The following CREBBP variants were observed in gnomAD, a reference collection of about 807,000 sequenced individuals.
CREBBP encodes CREB-binding protein.
Under a neutral mutation model 265.0 loss-of-function variants are expected in CREBBP, and 19 were observed. The observed-to-expected ratio is 0.07, with a 90% confidence interval of 0.05 to 0.11. The LOEUF is 0.11. CREBBP is among the 10% of genes least tolerant of loss of function. The pLI is 1.00. For synonymous variants in CREBBP, 1,457 were observed against 1,223.7 expected (o/e 1.19, Z -3.98); for missense variants, 2,525 against 3,219.0 (o/e 0.78, Z 5.22).
rs1449988510 is a variant in CREBBP, at chr16:3,774,809, TGAAAA to T, written c.2159-121_2159-117del. ...ATGGAACGCACAGGCAACAGAAAACTGAAAAGAAATCACCCAATTAATCAATGAAG... is the reference window on the plus strand; with the variant it reads ...ATGGAACGCACAGGCAACAGAAAACTGAAATCACCCAATTAATCAATGAAG... On this transcript the variant is annotated intron_variant, in intron 11 of 30. Transcript: ENST00000262367. 7 of 1,311,350 alleles carry T rather than the reference TGAAAA, an allele frequency of 5.3e-6. 1 individual carries two copies. In the South Asian group the frequency reaches 7.5e-5, roughly 14 times the overall value. The allele number at this position is 1,311,350 out of a possible 1,614,324, so 81.2% of individuals were successfully genotyped here.
chr16:3,849,435 GTGTGTGTGTGTGTGT>G lies in CREBBP; in HGVS notation c.798+847_798+861del, dbSNP rs2054757214. On this transcript the variant is annotated intron_variant, in intron 2 of 30. Coordinates refer to ENST00000262367, the MANE Select transcript of CREBBP (RefSeq NM_004380.3). ...TGTGTGTGTGTGTGTGTGTGTGTGT[GTGTGTGTGTGTGTGT>G]GTGTGTGTGTGTGTGTGTGTGTGTG... Among the ~76,000 whole-genome samples the G allele has an allele frequency of 8.5e-3, 133 of 15,728 alleles. 4 individuals are homozygous for G. Among genetic ancestry groups the G allele is most frequent in the East Asian group, 0.042 (12 of 284 alleles). The allele number at this position is 15,728 out of a possible 152,430, so 10.3% of individuals were successfully genotyped here. A position where few individuals can be genotyped will look rare whatever the true frequency, so the allele number is the denominator to read the frequency against.
chr16:3,793,002 G>A (rs928135636), intron 4 of CREBBP, among the ~76,000 whole-genome samples: 5 of 152,208 alleles, frequency 3.3e-5, no homozygotes, highest in African/African-American at 9.6e-5. Context: ...GGAAGGGCGT[G>A]TGCCTGCACG....
At chr16:3,834,101 G>C (rs1223377945) in intron 2 of CREBBP, among the ~76,000 whole-genome samples, 3 of 152,164 alleles carry the variant, frequency 2.0e-5, no homozygotes, top group South Asian at 4.1e-4. Context: ...GCCAAATCCA[G>C]AACACTGTCA....
At chr16:3,844,147 CAAAA>C (rs545907683) in intron 2 of CREBBP, among the ~76,000 whole-genome samples, 7 of 19,712 alleles carry the variant, frequency 3.6e-4, no homozygotes, top group Admixed American at 4.7e-4. Context: ...GACTCCGTCT[CAAAA>C]AAAAAAAAAA....
At chr16:3,836,989 T>C (rs1025880163) in intron 2 of CREBBP, among the ~76,000 whole-genome samples, 5 of 152,362 alleles carry the variant, frequency 3.3e-5, no homozygotes, top group East Asian at 1.9e-4. Context: ...TAGTACATAA[T>C]AGCCGATAAT....
chr16:3,778,538 G>A lies in CREBBP; in HGVS notation c.1941+162C>T, dbSNP rs56291013. On this transcript the variant is annotated intron_variant, in intron 9 of 30. Coordinates refer to ENST00000262367, the MANE Select transcript of CREBBP (RefSeq NM_004380.3). Reference sequence around the variant, plus strand: ...AGCTAATCAAGAGAGTTCTGCAGGAGATTTGTGTCTTATCTGGGAAGTCTC... The same window carrying A: ...AGCTAATCAAGAGAGTTCTGCAGGAAATTTGTGTCTTATCTGGGAAGTCTC... 7.6e-3 allele frequency among the ~76,000 whole-genome samples: 1,156 copies of A among 152,312 alleles called. 11 individuals are homozygous for A. Among genetic ancestry groups the A allele is most frequent in the Middle Eastern group, 0.034 (10 of 294 alleles).
chr16:3,777,530 T>C (rs1353291295), intron 11 of CREBBP, 83 bp downstream of exon 11: 15 of 1,399,266 alleles, frequency 1.1e-5, no homozygotes, highest in Non-Finnish European at 1.5e-5. Context: ...GAAAGAAATA[T>C]ACAGGGGGAG....
chr16:3,777,876 G>A, intron 10 of CREBBP, 135 bp downstream of exon 10: 1 of 1,184,104 alleles, frequency 8.4e-7, no homozygotes, highest in Non-Finnish European at 1.3e-6. Context: ...GGTGGTCAGG[G>A]CCACTGCCAC....
chr16:3,733,592 C>T (rs925412652), intron 28 of CREBBP, among the ~76,000 whole-genome samples: 4 of 152,172 alleles, frequency 2.6e-5, no homozygotes. Flanking sequence ...AAACTGCGTG[C>T]TGCAATATAC....
chr16:3,811,006 C>T (rs780172700), intron 2 of CREBBP, among the ~76,000 whole-genome samples: 2 of 152,012 alleles, frequency 1.3e-5, no homozygotes, highest in South Asian at 2.1e-4. Context: ...TGTTTCCCCC[C>T]ACCCTCAGCC....
chr16:3,768,841 A>G (rs998853500), intron 15 of CREBBP, among the ~76,000 whole-genome samples: 24 of 152,250 alleles, frequency 1.6e-4, no homozygotes, highest in Non-Finnish European at 2.8e-4. Flanking sequence ...TAGGTTAATT[A>G]GTAAATGAAT....
At chr16:3,807,680 A>T (rs1053270554) in intron 3 of CREBBP, among the ~76,000 whole-genome samples, 2 of 151,944 alleles carry the variant, frequency 1.3e-5, no homozygotes, top group African/African-American at 4.8e-5. Context: ...AACAACCCAA[A>T]CTCCTCAGAG....
At chr16:3,754,057 G>A (rs991446220) in intron 19 of CREBBP, among the ~76,000 whole-genome samples, 2 of 152,102 alleles carry the variant, frequency 1.3e-5, no homozygotes, top group African/African-American at 4.8e-5. Context: ...GCAGTGGCTG[G>A]GAAACTGAGG....
intron 16 of CREBBP, among the ~76,000 whole-genome samples, chr16:3,766,644 G>A (rs2052859614): frequency 1.3e-5 from 2 of 151,644 alleles, no homozygotes; most frequent in Non-Finnish European, 2.9e-5. Context: ...TGCCGCTTCC[G>A]CTTCTCGAGC....
intron 2 of CREBBP, among the ~76,000 whole-genome samples, chr16:3,841,581 C>G (rs1483188100): frequency 6.6e-6 from 1 of 152,072 alleles, no homozygotes; most frequent in Non-Finnish European, 1.5e-5. Context: ...TTCGAGGCTG[C>G]AGGGAGCCAT....
intron 3 of CREBBP, among the ~76,000 whole-genome samples, chr16:3,801,367 C>G (rs2053708924): frequency 6.6e-6 from 1 of 152,170 alleles, no homozygotes; most frequent in Non-Finnish European, 1.5e-5. Flanking sequence ...ACATCATTTT[C>G]TCCTATTAAA....
chr16:3,753,437 G>A lies in CREBBP; in HGVS notation c.3699-1631C>T, dbSNP rs779980306. Among the ~76,000 whole-genome samples the A allele has an allele frequency of 7.2e-4, 110 of 152,312 alleles. 1 individual carries two copies. The highest frequency in any genetic ancestry group is 3.4e-3 in the Middle Eastern group (1 of 294). On this transcript the variant is annotated intron_variant, in intron 19 of 30. Transcript: ENST00000262367. ...GATGAGGAACATGACAGATTCACTA[G>A]ATTAATGAAGGTTTCTTGCTGGGAC...
At chr16:3,812,303 T>A (rs1221691091) in intron 2 of CREBBP, among the ~76,000 whole-genome samples, 1 of 151,984 alleles carries the variant, frequency 6.6e-6, no homozygotes, top group Non-Finnish European at 1.5e-5. Flanking sequence ...CTCAGCCTCC[T>A]GAGTAGCTGG....
rs774440576 is a variant in CREBBP, at chr16:3,769,315, A to G, written c.2919T>C (p.Pro973=). 6.2e-7 allele frequency: 1 copy of G among 1,614,182 alleles called. No individual in the cohort carries two copies. The highest frequency in any genetic ancestry group is 2.2e-5 in the East Asian group (1 of 44,882). Residue 973 remains proline (P), a synonymous_variant, in exon 15 of 31, where the codon CCT becomes CCC. Transcript: ENST00000262367. ...QAAASIDNRV[P]TPSSVASAET... Reference sequence around the variant, plus strand: ...CTGCGCTGGCCACCGAGGAGGGGGTAGGGACTCTGTTATCAATGCTGGCTG... The same window carrying G: ...CTGCGCTGGCCACCGAGGAGGGGGTGGGGACTCTGTTATCAATGCTGGCTG...
Sources: allele counts gnomAD v4.1 joint callset (sites outside exome capture counted in the v4.1 genomes callset), GRCh38; gene constraint gnomAD v4.1.1; transcripts MANE v1.5; gene names NCBI Gene and HGNC (gene_info 2026-07-23, HGNC 2026-07-21).